Variants in FLI1 observed in about 807,000 individuals in gnomAD.
The protein encoded by FLI1 is Fli-1 proto-oncogene, ETS transcription factor, also known as Friend leukemia integration 1 transcription factor.
FLI1 carries 13 observed loss-of-function variants against 53.1 expected under a neutral mutation model. The ratio of observed to expected loss-of-function variants is 0.24; its 90% CI spans 0.16 to 0.39. The LOEUF (loss-of-function observed/expected upper bound fraction) is 0.39. Ranked by LOEUF, FLI1 falls within the 10% of genes least tolerant of loss-of-function variation. FLI1 has a pLI of 1.00. For missense variants in FLI1, 424 were observed against 600.5 expected (o/e 0.71, Z 3.07); for synonymous variants, 244 against 236.7 (o/e 1.03, Z -0.28).
chr11:128,698,103 G>C (rs1253016724), intron 1 of FLI1, among the ~76,000 whole-genome samples: 1 of 152,222 alleles, frequency 6.6e-6, no homozygotes, highest in Non-Finnish European at 1.5e-5. Context: ...AGAAGGGCCA[G>C]GGTTATGGCT....
At chr11:128,719,164 T>C (rs547653546) in intron 1 of FLI1, among the ~76,000 whole-genome samples, 1 of 152,012 alleles carries the variant, frequency 6.6e-6, no homozygotes, top group East Asian at 1.9e-4. Context: ...GGAAGGCATT[T>C]TGGTGGAGAG....
chr11:128,687,993 G>A (rs1349994106), intron 1 of FLI1, among the ~76,000 whole-genome samples: 1 of 152,212 alleles, frequency 6.6e-6, no homozygotes, highest in Non-Finnish European at 1.5e-5. Context: ...AGGCGCGCAC[G>A]GATTCGCTGT....
At chr11:128,746,025 G>A (rs1263072145) in intron 1 of FLI1, among the ~76,000 whole-genome samples, 2 of 152,332 alleles carry the variant, frequency 1.3e-5, no homozygotes, top group Middle Eastern at 3.4e-3. Context: ...AACAGTCACT[G>A]GGTGTGGCTG....
rs1378564540 is a variant in FLI1 at position 128,714,764 on chromosome 11, A to AGTG, written c.18+20492_18+20494dup. On this transcript the variant is annotated intron_variant, in intron 1 of 8. Transcript: ENST00000527786. ...TTGCTCTGTCACCAGGCTGGAGTGC[A>AGTG]GTGGTGTAATCTCAGCTCACAGCAA... is the stretch of plus-strand genomic sequence containing the variant. Among the ~76,000 whole-genome samples, 4 of 137,682 alleles carry AGTG rather than the reference A, an allele frequency of 2.9e-5. No homozygotes were observed. The Admixed American group carries it at 3.2e-4, about 11-fold the overall frequency. The allele number at this position is 137,682 out of a possible 152,430, so 90.3% of individuals were successfully genotyped here. A position where few individuals can be genotyped will look rare whatever the true frequency, so the allele number is the denominator to read the frequency against.
chr11:128,737,514 A>T (rs530754763), intron 1 of FLI1, among the ~76,000 whole-genome samples: 9 of 152,212 alleles, frequency 5.9e-5, no homozygotes, highest in Non-Finnish European at 1.3e-4. Context: ...CAAACCATGA[A>T]CTCATCTGTG....
At chr11:128,736,341 G>C (rs1340851584) in intron 1 of FLI1, among the ~76,000 whole-genome samples, 1 of 152,196 alleles carries the variant, frequency 6.6e-6, no homozygotes, top group Non-Finnish European at 1.5e-5. Context: ...GATACGAGTT[G>C]GTAAGCCACA....
At chr11:128,800,910 C>T (rs1942617616) in intron 5 of FLI1, among the ~76,000 whole-genome samples, 1 of 152,216 alleles carries the variant, frequency 6.6e-6, no homozygotes, top group African/African-American at 2.4e-5. Context: ...AAAGGAATCA[C>T]AATAATAAGA....
intron 1 of FLI1, among the ~76,000 whole-genome samples, chr11:128,713,224 C>T (rs1241683691): frequency 6.6e-6 from 1 of 152,138 alleles, no homozygotes; most frequent in Admixed American, 6.5e-5. Flanking sequence ...TCATACCTGC[C>T]CTCCAGAAAG....
At chr11:128,778,777 G>A (rs1941821925) in intron 4 of FLI1, among the ~76,000 whole-genome samples, 1 of 152,208 alleles carries the variant, frequency 6.6e-6, no homozygotes, top group South Asian at 2.1e-4. Flanking sequence ...CCTGTGGCAG[G>A]GTCAGGCCAG....
intron 4 of FLI1, among the ~76,000 whole-genome samples, chr11:128,774,698 G>A (rs760815831): frequency 5.9e-5 from 9 of 152,302 alleles, no homozygotes; most frequent in Admixed American, 1.3e-4. Context: ...GAGACTCTTC[G>A]GCGGATGCCC....
intron 1 of FLI1, among the ~76,000 whole-genome samples, chr11:128,706,298 G>A (rs1026825299): frequency 6.6e-5 from 10 of 152,162 alleles, no homozygotes; most frequent in Non-Finnish European, 1.0e-4. Context: ...AGTTGAGATC[G>A]CTGCTTTTCT....
intron 5 of FLI1, among the ~76,000 whole-genome samples, chr11:128,787,576 A>T (rs755742335): frequency 1.3e-5 from 2 of 152,162 alleles, no homozygotes; most frequent in Non-Finnish European, 2.9e-5. Context: ...CTGGACTCAG[A>T]CTGTGACCTG....
At chr11:128,730,462 A>G (rs1939650737) in intron 1 of FLI1, among the ~76,000 whole-genome samples, 1 of 152,244 alleles carries the variant, frequency 6.6e-6, no homozygotes, top group Non-Finnish European at 1.5e-5. Flanking sequence ...AGTATCAAGA[A>G]CATGCATTCT....
rs114288385 is a variant in FLI1, at chr11:128,762,975, G to A, written c.230+4649G>A. On this transcript the variant is annotated intron_variant, in intron 2 of 8. Coordinates refer to ENST00000527786, the MANE Select transcript of FLI1 (RefSeq NM_002017.5). ...CCATCTCAAAAAAAAAAAAAATTATGTAGTTCGCACATGTGGTTCCCATTC... is the reference window on the plus strand; with the variant it reads ...CCATCTCAAAAAAAAAAAAAATTATATAGTTCGCACATGTGGTTCCCATTC... Among the ~76,000 whole-genome samples the A allele has an allele frequency of 3.3e-3, 505 of 151,852 alleles. 4 individuals are homozygous for A. The highest frequency in any genetic ancestry group is 0.012 in the African/African-American group (481 of 41,340).
intron 1 of FLI1, among the ~76,000 whole-genome samples, chr11:128,735,988 C>A (rs1259251333): frequency 6.6e-6 from 1 of 152,146 alleles, no homozygotes; most frequent in Admixed American, 6.5e-5. Flanking sequence ...AATACTGAAA[C>A]CTCCTTGTGG....
rs566678282 is a variant in FLI1 at position 128,811,206 on chromosome 11, C to T, written c.*218C>T. ...ACAAAGAGATGAATAATTCCATGGG[C>T]CAGTATGCCAGTTTGAATTCTCAGT... is the stretch of plus-strand genomic sequence containing the variant. On this transcript the variant is annotated 3_prime_UTR_variant, in exon 9 of 9. Transcript: ENST00000527786. 4.2e-5 allele frequency: 24 copies of T among 566,866 alleles called. No individual in the cohort carries two copies. Among genetic ancestry groups the T allele is most frequent in the South Asian group, 3.2e-4 (14 of 43,432 alleles). The allele number at this position is 566,866 out of a possible 1,614,324, so 35.1% of individuals were successfully genotyped here. A position where few individuals can be genotyped will look rare whatever the true frequency, so the allele number is the denominator to read the frequency against.
At chr11:128,758,353 T>G (rs1251891518) in intron 2 of FLI1, 27 bp downstream of exon 2, 5 of 1,595,824 alleles carry the variant, frequency 3.1e-6, no homozygotes, top group African/African-American at 2.7e-5. Context: ...TGTGCAGGAT[T>G]GGGGGAAGGC....
chr11:128,807,300 G>C, intron 7 of FLI1, 61 bp downstream of exon 7: 2 of 1,173,302 alleles, frequency 1.7e-6, no homozygotes, highest in Non-Finnish European at 2.4e-6. Flanking sequence ...ATTTCACATG[G>C]TCAACTGATG....
At chr11:128,701,185 T>C (rs607670) in intron 1 of FLI1, among the ~76,000 whole-genome samples, 76,599 of 152,030 alleles carry the variant, frequency 0.5, 19,507 homozygotes, top group African/African-American at 0.58. Flanking sequence ...CCAGATGACA[T>C]AAAACTGTGA....
Sources: allele counts gnomAD v4.1 joint callset (sites outside exome capture counted in the v4.1 genomes callset), GRCh38; gene constraint gnomAD v4.1.1; transcripts MANE v1.5; gene names NCBI Gene and HGNC (gene_info 2026-07-23, HGNC 2026-07-21).